Variants in ESR1 observed in about 807,000 individuals in gnomAD.
ESR1 encodes estrogen receptor 1, also known as estrogen receptor.
Under a neutral mutation model 52.7 loss-of-function variants are expected in ESR1, and 12 were observed. The ratio of observed to expected loss-of-function variants is 0.23; its 90% CI spans 0.15 to 0.37. ESR1 has a LOEUF of 0.37. Ranked by LOEUF, ESR1 falls within the 10% of genes least tolerant of loss-of-function variation. The pLI is 1.00. For missense variants in ESR1, 584 were observed against 779.7 expected (o/e 0.75, Z 2.99); for synonymous variants, 305 against 316.8 (o/e 0.96, Z 0.39).
At chr6:151,698,959 G>A (rs1779572823) in intron 1 of ESR1, among the ~76,000 whole-genome samples, 1 of 152,150 alleles carries the variant, frequency 6.6e-6, no homozygotes, top group Admixed American at 6.5e-5. Context: ...ATTTGTGAAG[G>A]GAAAGACTCC....
In ESR1 at chr6:152,122,270, C is replaced by T. The variant is rs958754447; in HGVS notation, c.851-2996C>T. On this transcript the variant is annotated intron_variant, in intron 6 of 6. Transcript: ENST00000427531. ...TTGTTCCCCCGTCACTGTTTATCTT[C>T]CACCTCTGAAGCCATAATTTGCACA... 16 of 1,043,088 alleles carry T rather than the reference C, an allele frequency of 1.5e-5. No homozygotes were observed. The highest frequency in any genetic ancestry group is 1.4e-4 in the Admixed American group (7 of 49,000). 64.6% of individuals were successfully genotyped at this position (1,043,088 alleles called of 1,614,324 possible). A position where few individuals can be genotyped will look rare whatever the true frequency, so the allele number is the denominator to read the frequency against.
chr6:151,738,658 T>C (rs1172057788), intron 2 of ESR1, among the ~76,000 whole-genome samples: 1 of 152,222 alleles, frequency 6.6e-6, no homozygotes, highest in African/African-American at 2.4e-5. Context: ...CCACATATTC[T>C]ATAAGAGCAA....
At chr6:151,678,903 T>C (rs917902077) in intron 1 of ESR1, among the ~76,000 whole-genome samples, 81 of 152,068 alleles carry the variant, frequency 5.3e-4, no homozygotes, top group African/African-American at 1.9e-3. Flanking sequence ...ACCAGGATGG[T>C]CTTGATCTCC....
At chr6:151,901,079 C>G (rs1796599053) in intron 3 of ESR1, among the ~76,000 whole-genome samples, 1 of 152,142 alleles carries the variant, frequency 6.6e-6, no homozygotes, top group South Asian at 2.1e-4. Context: ...AAGGCTAGGA[C>G]TGTCTGAGCT....
intron 1 of ESR1, among the ~76,000 whole-genome samples, chr6:151,684,837 C>T (rs1778592908): frequency 1.3e-5 from 2 of 152,262 alleles, no homozygotes; most frequent in African/African-American, 4.8e-5. Flanking sequence ...GCTGCTGGTG[C>T]CAATCAAAGG....
intron 6 of ESR1, among the ~76,000 whole-genome samples, chr6:152,064,189 A>C (rs2047780185): frequency 1.3e-5 from 2 of 152,250 alleles, no homozygotes; most frequent in South Asian, 4.1e-4. Context: ...CAACTTCAAG[A>C]CATTCTGAGA....
intron 1 of ESR1, among the ~76,000 whole-genome samples, chr6:151,701,253 A>C (rs543787258): frequency 6.6e-6 from 1 of 151,320 alleles, no homozygotes; most frequent in East Asian, 1.9e-4. Flanking sequence ...GGATCTATAG[A>C]AATGGAAGTC....
intron 2 of ESR1, among the ~76,000 whole-genome samples, chr6:151,773,920 G>A (rs370313188): frequency 2.0e-5 from 3 of 152,236 alleles, no homozygotes; most frequent in East Asian, 3.9e-4. Flanking sequence ...TATGGTGTTC[G>A]GTGGCTTTCA....
intron 3 of ESR1, among the ~76,000 whole-genome samples, chr6:151,891,246 G>A (rs563856712): frequency 9.6e-4 from 146 of 152,236 alleles, no homozygotes; most frequent in African/African-American, 3.4e-3. Flanking sequence ...GAATGACCAC[G>A]TCTCACCTTA....
intron 5 of ESR1, among the ~76,000 whole-genome samples, chr6:152,059,241 T>C (rs1241757451): frequency 6.6e-6 from 1 of 152,008 alleles, no homozygotes; most frequent in African/African-American, 2.4e-5. Flanking sequence ...AATTTAAACA[T>C]AAAAGCATGG....
chr6:151,719,319 G>C (rs1234232230), intron 2 of ESR1, among the ~76,000 whole-genome samples: 1 of 152,014 alleles, frequency 6.6e-6, no homozygotes, highest in Non-Finnish European at 1.5e-5. Context: ...GTCGAGCCAG[G>C]TAAGGCAGAT....
At chr6:151,977,900 T>A (rs1584600638) in intron 4 of ESR1, among the ~76,000 whole-genome samples, 1 of 119,540 alleles carries the variant, frequency 8.4e-6, no homozygotes, top group African/African-American at 3.3e-5. Context: ...CCCTTAGAAA[T>A]CACAAAACAT....
chr6:152,034,224 C>A (rs1330053194), intron 5 of ESR1, among the ~76,000 whole-genome samples: 7 of 151,870 alleles, frequency 4.6e-5, no homozygotes, highest in African/African-American at 1.7e-4. Flanking sequence ...ACCAACATGG[C>A]ACATGTATGC....
chr6:151,997,038 G>C (rs2041549937), intron 4 of ESR1, among the ~76,000 whole-genome samples: 3 of 151,656 alleles, frequency 2.0e-5, no homozygotes, highest in Admixed American at 6.6e-5. Flanking sequence ...AGCAGGTACT[G>C]TCCCTATGTA....
At chr6:151,739,480 C>T (rs767076810) in intron 2 of ESR1, among the ~76,000 whole-genome samples, 10 of 152,062 alleles carry the variant, frequency 6.6e-5, no homozygotes, top group Non-Finnish European at 1.5e-4. Flanking sequence ...CAAGGGATTC[C>T]AAGTCCCATT....
At chr6:152,114,387 T>C (rs971601642) in intron 6 of ESR1, among the ~76,000 whole-genome samples, 36 of 152,006 alleles carry the variant, frequency 2.4e-4, no homozygotes, top group Admixed American at 1.8e-3. Flanking sequence ...TTTGGACATC[T>C]CTCCTAGGAA....
intron 4 of ESR1, among the ~76,000 whole-genome samples, chr6:151,960,248 C>T (rs1303921936): frequency 6.6e-6 from 1 of 152,176 alleles, no homozygotes; most frequent in African/African-American, 2.4e-5. Context: ...TACACCAAGC[C>T]CTGCCTCCCC....
Position 151,906,430 on chromosome 6 carries a change from G to A in ESR1, c.760+25659G>A, listed in dbSNP as rs1258760217. On this transcript the variant is annotated intron_variant, in intron 3 of 7. Coordinates refer to ENST00000206249, the MANE Select transcript of ESR1 (RefSeq NM_000125.4). The stretch of plus-strand genomic sequence containing the variant: ...AATTACCCTTAAAAATAAGTTGATA[G>A]TGAATTTTATCTAGGATTCTTAAGA... Among the ~76,000 whole-genome samples the A allele has an allele frequency of 3.9e-4, 59 of 151,878 alleles. 1 individual carries two copies. The highest frequency in any genetic ancestry group is 3.9e-3 in the Admixed American group (59 of 15,240).
rs904630124 is a variant in ESR1 at position 152,101,128 on chromosome 6, A to G, written c.*2162A>G. 1.7e-4 allele frequency: 40 copies of G among 230,630 alleles called. No homozygotes were observed. The highest frequency in any genetic ancestry group is 3.2e-4 in the Non-Finnish European group (37 of 116,566). 14.3% of individuals were successfully genotyped at this position (230,630 alleles called of 1,614,324 possible). A position where few individuals can be genotyped will look rare whatever the true frequency, so the allele number is the denominator to read the frequency against. ...CTGGTGATTATTCATTTAAATGAAG[A>G]TCACATTTCATATCAACTTTTGTAT... On this transcript the variant is annotated 3_prime_UTR_variant, in exon 8 of 8. Transcript: ENST00000206249.
Sources: allele counts gnomAD v4.1 joint callset (sites outside exome capture counted in the v4.1 genomes callset), GRCh38; gene constraint gnomAD v4.1.1; transcripts MANE v1.5; gene names NCBI Gene and HGNC (gene_info 2026-07-23, HGNC 2026-07-21).